The following CADPS variants were observed in gnomAD, a reference collection of about 807,000 sequenced individuals.
CADPS encodes calcium dependent secretion activator.
In CADPS, 57 loss-of-function variants were observed where a neutral mutation model predicts 167.3. That is an observed-to-expected ratio of 0.34 (90% CI 0.28 to 0.42). The LOEUF (loss-of-function observed/expected upper bound fraction) is 0.42. Among genes scored for constraint, CADPS ranks in the 20% least tolerant of loss-of-function variants. The probability of loss-of-function intolerance (pLI) is 1.00; values close to 1 mark genes in which losing one functional copy is unlikely to be tolerated. For synonymous variants in CADPS, 676 were observed against 635.3 expected, an observed-to-expected ratio of 1.06 and a Z score of -0.96; for missense variants, 1,414 against 1,738.1, an observed-to-expected ratio of 0.81 and a Z score of 3.32.
intron 9 of CADPS, among the ~76,000 whole-genome samples, chr3:62,566,255 G>A (rs1351156884): frequency 1.3e-5 from 2 of 152,214 alleles, no homozygotes; most frequent in African/African-American, 4.8e-5. Context: ...TCACGCTTCT[G>A]CAAATTGAAC....
At chr3:62,772,744 T>C (rs1316733384) in intron 1 of CADPS, among the ~76,000 whole-genome samples, 2 of 152,208 alleles carry the variant, frequency 1.3e-5, no homozygotes, top group Non-Finnish European at 2.9e-5. Context: ...AAGATGCTTA[T>C]TGGTTAATAT....
chr3:62,504,194 T>A (rs1355730151), intron 17 of CADPS, among the ~76,000 whole-genome samples: 1 of 152,174 alleles, frequency 6.6e-6, no homozygotes, highest in Non-Finnish European at 1.5e-5. Flanking sequence ...TTGAAATTGT[T>A]TGGGAAAAAA....
chr3:62,541,596 AT>A (rs1214463073), intron 11 of CADPS, among the ~76,000 whole-genome samples: 1 of 152,136 alleles, frequency 6.6e-6, no homozygotes, highest in East Asian at 1.9e-4. Context: ...CTTGGAAGTA[AT>A]TTTGGCTTGA....
chr3:62,604,852 C>A (rs1460120705), intron 6 of CADPS, among the ~76,000 whole-genome samples: 2 of 152,200 alleles, frequency 1.3e-5, no homozygotes, highest in Non-Finnish European at 2.9e-5. Context: ...ATGAACTGCT[C>A]ACCGCATGGC....
At chr3:62,837,724 G>A (rs1374484863) in intron 1 of CADPS, among the ~76,000 whole-genome samples, 1 of 152,188 alleles carries the variant, frequency 6.6e-6, no homozygotes, top group Non-Finnish European at 1.5e-5. Context: ...CAAAGAGTAT[G>A]AACTGTAAGT....
intron 10 of CADPS, among the ~76,000 whole-genome samples, chr3:62,554,595 T>C (rs1030024237): frequency 2.0e-5 from 3 of 152,104 alleles, no homozygotes; most frequent in African/African-American, 4.8e-5. Flanking sequence ...TCTGAGGACA[T>C]TGGTTAAAAT....
intron 9 of CADPS, among the ~76,000 whole-genome samples, chr3:62,559,785 T>A (rs536849286): frequency 6.6e-6 from 1 of 152,236 alleles, no homozygotes; most frequent in Non-Finnish European, 1.5e-5. Context: ...TGAGCCACCA[T>A]GCCCAGCCGG....
chr3:62,764,936 G>A (rs1452265922), intron 2 of CADPS, among the ~76,000 whole-genome samples: 1 of 152,170 alleles, frequency 6.6e-6, no homozygotes, highest in African/African-American at 2.4e-5. Flanking sequence ...GTATATAGCA[G>A]CATATCATAA....
chr3:62,521,846 C>T (rs987196886), intron 13 of CADPS, among the ~76,000 whole-genome samples: 2 of 152,162 alleles, frequency 1.3e-5, no homozygotes, highest in Non-Finnish European at 2.9e-5. Flanking sequence ...CTATTAAAGC[C>T]GAAGGGCTTC....
chr3:62,689,151 A>G (rs35657183), intron 3 of CADPS, among the ~76,000 whole-genome samples: 11,738 of 152,106 alleles, frequency 0.077, 617 homozygotes, highest in Non-Finnish European at 0.12. Flanking sequence ...AATGGCTGAC[A>G]TTTGATTTCC....
intron 3 of CADPS, among the ~76,000 whole-genome samples, chr3:62,737,801 T>C (rs962559928): frequency 2.6e-5 from 4 of 152,168 alleles, no homozygotes; most frequent in East Asian, 1.9e-4. Flanking sequence ...TTCCCCAGGC[T>C]GTTCCTTCAT....
At chr3:62,712,537 G>A (rs557686942) in intron 3 of CADPS, among the ~76,000 whole-genome samples, 9 of 152,180 alleles carry the variant, frequency 5.9e-5, no homozygotes, top group South Asian at 4.2e-4. Context: ...TTATAGATGC[G>A]TTTCTTAAAT....
intron 1 of CADPS, among the ~76,000 whole-genome samples, chr3:62,853,780 GC>G (rs1332143228): frequency 1.3e-5 from 2 of 151,748 alleles, no homozygotes; most frequent in Non-Finnish European, 2.9e-5. Flanking sequence ...GGGCAACATG[GC>G]AAAACCCTGT....
chr3:62,399,379 TC>T lies in CADPS; in HGVS notation c.*26del, dbSNP rs1333913979. The T allele has an allele frequency of 2.5e-6, 4 of 1,611,916 alleles. No individual in the cohort carries two copies. The highest frequency in any genetic ancestry group is 3.4e-6 in the Non-Finnish European group (4 of 1,178,112). ...GACATGCACTGATTACAGGACTCTG[TC>T]CCAGCAGACTCTAGGACCAAATGGT... On this transcript the variant is annotated 3_prime_UTR_variant, in exon 30 of 30. Transcript: ENST00000383710. The surrounding 1 kb of genome is among the most constrained non-coding windows in gnomAD (Gnocchi z 5.6).
chr3:62,836,809 G>T (rs1349349632), intron 1 of CADPS, among the ~76,000 whole-genome samples: 2 of 151,842 alleles, frequency 1.3e-5, no homozygotes, highest in Admixed American at 1.3e-4. Context: ...CTTTCCTTTC[G>T]CCCACCCCCC....
At chr3:62,605,791 G>A (rs906242754) in intron 6 of CADPS, among the ~76,000 whole-genome samples, 3 of 152,196 alleles carry the variant, frequency 2.0e-5, no homozygotes, top group Non-Finnish European at 4.4e-5. Flanking sequence ...AAAGTGTGGT[G>A]ATAATTATTC....
intron 6 of CADPS, among the ~76,000 whole-genome samples, chr3:62,615,179 C>T (rs572877150): frequency 1.3e-5 from 2 of 152,198 alleles, no homozygotes; most frequent in East Asian, 3.9e-4. Context: ...TCCATAAATA[C>T]TGTGCAAGAC....
At chr3:62,778,217 G>C (rs1425087025) in intron 1 of CADPS, among the ~76,000 whole-genome samples, 4 of 152,148 alleles carry the variant, frequency 2.6e-5, no homozygotes, top group Admixed American at 6.5e-5. Context: ...AACACATGGG[G>C]ATACTCCATG....
At chr3:62,747,992 T>C (rs1025736217) in intron 3 of CADPS, among the ~76,000 whole-genome samples, 8 of 151,836 alleles carry the variant, frequency 5.3e-5, no homozygotes, top group African/African-American at 1.7e-4. Context: ...ATTAGCTGGA[T>C]TGCTTCACTA....
Sources: gnomAD v4.1 joint callset for allele counts (sites outside exome capture counted in the v4.1 genomes callset) on GRCh38, gnomAD v4.1.1 for gene constraint, Gnocchi (gnomAD v3.1) non-coding constraint, MANE v1.5 for transcripts, NCBI Gene and HGNC (gene_info 2026-07-23, HGNC 2026-07-21) for gene names.